Variants in GFUS observed in about 807,000 individuals in gnomAD.
GFUS encodes the protein 3-5 epimerase/4-reductase.
GFUS carries 42 observed loss-of-function variants against 41.5 expected under a neutral mutation model. The observed-to-expected ratio is 1.01, with a 90% CI of 0.79 to 1.31. The LOEUF (loss-of-function observed/expected upper bound fraction) is 1.31. Ranked by LOEUF, GFUS falls within the 50% of genes most tolerant of loss-of-function variation. GFUS has a pLI of 0.00. For missense variants in GFUS, 437 were observed against 428.7 expected (o/e 1.02, Z -0.17); for synonymous variants, 188 against 173.4 (o/e 1.08, Z -0.66).
chr8:143,613,174 G>A (rs760248244), intron 10 of GFUS, 22 bp downstream of exon 10: 50 of 1,610,618 alleles, frequency 3.1e-5, no homozygotes, highest in Non-Finnish European at 2.9e-5. Flanking sequence ...ACCAAGTGGA[G>A]GGCTGTGGGG....
At chr8:143,613,008 G>T in intron 10 of GFUS, 43 bp from the exon 11 acceptor site, 1 of 1,596,910 alleles carries the variant, frequency 6.3e-7, no homozygotes. Flanking sequence ...GGGAGGGTCG[G>T]GGCCGCATGG....
At position 143,616,171 on chromosome 8, in the gene GFUS, C is replaced by T. The variant is rs749145675; in HGVS notation, c.196G>A (p.Val66Ile). The change falls in exon 3 of 11, where the codon GTC (valine) becomes ATC (isoleucine). Residue 66 changes from valine to isoleucine, a missense_variant. Physicochemically the swap from Val to Ile is conservative, Grantham distance 29. Coordinates refer to ENST00000425753, the MANE Select transcript of GFUS (RefSeq NM_003313.4). ...CCCACCATTGCAGCAAGATGGATGA[C>T]GTGTGTGGGTTGGACCTTCTCAAAC... ...ALFEKVQPTH[V>I]IHLAAMVGGL... is the part of the protein sequence containing the mutation. 14 of 1,613,578 alleles carry T rather than the reference C, an allele frequency of 8.7e-6. No individual in the cohort carries two copies. The East Asian group carries it at 1.3e-4, about 15-fold the overall frequency.
intron 3 of GFUS, among the ~76,000 whole-genome samples, chr8:143,615,368 G>T (rs1488023476): frequency 6.6e-6 from 1 of 152,168 alleles, no homozygotes; most frequent in East Asian, 1.9e-4. Context: ...CACCCCGCGG[G>T]CCCCACTTCC....
chr8:143,615,397 G>C (rs1426083175), intron 3 of GFUS, among the ~76,000 whole-genome samples: 1 of 152,172 alleles, frequency 6.6e-6, no homozygotes, highest in Non-Finnish European at 1.5e-5. Flanking sequence ...AACTAGACAC[G>C]GCATGGCTGG....
Position 143,614,637 on chromosome 8 carries a change from C to G in GFUS, c.451G>C (p.Asp151His), listed in dbSNP as rs780777231. 1.3e-6 allele frequency: 2 copies of G among 1,597,840 alleles called. No individual in the cohort carries two copies. Among genetic ancestry groups the G allele is most frequent in the African/African-American group, 1.3e-5 (1 of 74,834 alleles). The change falls in exon 5 of 11, where the codon GAC (aspartate) becomes CAC (histidine). Residue 151 changes from aspartate to histidine, a missense_variant. Transcript: ENST00000425753. ...GGGCGCGAGGACCTGTTCTGCACGTCGATCATCCTCTTGGCATACGAGTAC... is the reference window on the plus strand; with the variant it reads ...GGGCGCGAGGACCTGTTCTGCACGTGGATCATCCTCTTGGCATACGAGTAC... The part of the protein sequence containing the change: ...FGYSYAKRMI[D>H]VQNRAYFQQY...
chr8:143,614,575 G>C (rs994738340), intron 5 of GFUS, 49 bp downstream of exon 5: 3 of 1,559,556 alleles, frequency 1.9e-6, no homozygotes, highest in Non-Finnish European at 2.6e-6. Flanking sequence ...GCCCCTGGGG[G>C]CCCTCTCCCC....
chr8:143,614,036 A>T, intron 7 of GFUS, 128 bp downstream of exon 7: 1 of 1,348,198 alleles, frequency 7.4e-7, no homozygotes, highest in African/African-American at 1.4e-5. Flanking sequence ...CTCCTCTTGG[A>T]GCTCAGCCCA....
In GFUS at chr8:143,614,308, G is replaced by C; in HGVS notation, c.598+12C>G. 6.2e-7 allele frequency: 1 copy of C among 1,613,526 alleles called. No individual in the cohort carries two copies. Among genetic ancestry groups the C allele is most frequent in the Non-Finnish European group, 8.5e-7 (1 of 1,179,792 alleles). On this transcript the variant is annotated intron_variant, in intron 6 of 10. Transcript: ENST00000425753. ...GCTGAGCCCGGGCACCCCATCGGAC[G>C]GACGCACTCACTCTTGGCCAGGTGC...
Position 143,614,344 on chromosome 8 carries a change from T to A in GFUS, c.574A>T (p.Ile192Phe). ...CTCTTGGCCAGGTGCACCTTGTGGA[T>A]GAGGCCAGGCAGCACGTGGCCATCC... The part of the protein sequence containing the change: ...IEDGHVLPGL[I>F]HKVHLAKSSG... Residue 192 changes from isoleucine (I) to phenylalanine (F), a missense_variant, in exon 6 of 11, where the codon ATC becomes TTC. Coordinates refer to ENST00000425753, the MANE Select transcript of GFUS (RefSeq NM_003313.4). The A allele has an allele frequency of 6.2e-7, 1 of 1,613,720 alleles. No individual in the cohort carries two copies. The highest frequency in any genetic ancestry group is 8.5e-7 in the Non-Finnish European group (1 of 1,179,862).
intron 2 of GFUS, 34 bp from the exon 3 acceptor site, chr8:143,616,254 G>A (rs368108029): frequency 4.4e-6 from 7 of 1,599,824 alleles, no homozygotes; most frequent in African/African-American, 1.3e-5. Context: ...AGGCTCTGGA[G>A]GGAACCAGCA....
rs919084063 is a variant in GFUS, at chr8:143,613,580, T to C, written c.754A>G (p.Ile252Val). 4 of 1,611,860 alleles carry C rather than the reference T, an allele frequency of 2.5e-6. No homozygotes were observed. Among genetic ancestry groups the C allele is most frequent in the African/African-American group, 2.7e-5 (2 of 74,938 alleles). The change falls in exon 9 of 11, where the codon ATC becomes GTC. Residue 252 changes from isoleucine (I) to valine (V), a missense_variant. Physicochemically the swap from Ile to Val is conservative, Grantham distance 29. Coordinates refer to ENST00000425753, the MANE Select transcript of GFUS (RefSeq NM_003313.4). ...LSVGEEDEVS[I>V]KEAAEAVVEA... The stretch of plus-strand genomic sequence containing the variant: ...ACCACCGCCTCGGCTGCCTCCTTGA[T>C]GGAGACCTCATCTTCCTCGCCCACT...
chr8:143,616,021 GCCT>G, intron 3 of GFUS, 82 bp downstream of exon 3: 1 of 1,156,614 alleles, frequency 8.6e-7, no homozygotes. Flanking sequence ...GGGAATGTGG[GCCT>G]GTGAGAGTGG....
At position 143,614,626 on chromosome 8, in the gene GFUS, G is replaced by A. The variant is rs1829675031; in HGVS notation, c.462C>T (p.Asn154=). The A allele has an allele frequency of 6.3e-7, 1 of 1,593,560 alleles. No individual in the cohort carries two copies. Among genetic ancestry groups the A allele is most frequent in the African/African-American group, 1.3e-5 (1 of 74,814 alleles). The change falls in exon 5 of 11, where the codon AAC becomes AAT. Residue 154 remains asparagine (N), a splice_region_variant and synonymous_variant. Transcript: ENST00000425753. ...SYAKRMIDVQ[N]RAYFQQYGCT... is the part of the protein sequence containing the mutation. The stretch of plus-strand genomic sequence containing the variant: ...CTCAGCAGGATGGGCGCGAGGACCT[G>A]TTCTGCACGTCGATCATCCTCTTGG...
chr8:143,616,448 G>A (rs537984415), intron 2 of GFUS, 119 bp downstream of exon 2: 2 of 1,511,312 alleles, frequency 1.3e-6, no homozygotes, highest in Admixed American at 3.5e-5. Context: ...CACCTGGCAG[G>A]AAGGACCCAG....
rs755603216 is a variant in GFUS, at chr8:143,616,566, C to T, written c.146+1G>A. 3.0e-5 allele frequency: 49 copies of T among 1,613,686 alleles called. No homozygotes were observed. The highest frequency in any genetic ancestry group is 3.7e-5 in the Non-Finnish European group (44 of 1,179,970). On this transcript the variant is annotated splice_donor_variant, in intron 2 of 10. Transcript: ENST00000425753. LOFTEE classifies it high-confidence loss of function. ...GCTGATCTGGGGATGGGCTCACTCACGTGAGATCGGCGTCTTTAGAGGAGA... is the reference window on the plus strand; with the variant it reads ...GCTGATCTGGGGATGGGCTCACTCATGTGAGATCGGCGTCTTTAGAGGAGA...
chr8:143,613,839 T>A, intron 7 of GFUS, 22 bp from the exon 8 acceptor site: 1 of 1,550,304 alleles, frequency 6.5e-7, no homozygotes, highest in Non-Finnish European at 8.7e-7. Flanking sequence ...ACAGGCAGGG[T>A]CAGAGACCAT....
chr8:143,613,679 A>G, intron 8 of GFUS, 72 bp downstream of exon 8: 4 of 1,577,818 alleles, frequency 2.5e-6, no homozygotes, highest in Admixed American at 3.6e-5. Flanking sequence ...CCCACCCCTC[A>G]GCCAGCCTCC....
At chr8:143,615,094 G>T (rs1829691672) in intron 3 of GFUS, among the ~76,000 whole-genome samples, 179 bp from the exon 4 acceptor site, 1 of 152,252 alleles carries the variant, frequency 6.6e-6, no homozygotes, top group East Asian at 1.9e-4. Flanking sequence ...TTGCTCTCCA[G>T]CCCCACCAAG....
chr8:143,614,036 A>C, intron 7 of GFUS, 128 bp downstream of exon 7: 2 of 1,348,200 alleles, frequency 1.5e-6, no homozygotes, highest in Non-Finnish European at 2.0e-6. Context: ...CTCCTCTTGG[A>C]GCTCAGCCCA....
Sources: allele counts gnomAD v4.1 joint callset (sites outside exome capture counted in the v4.1 genomes callset), GRCh38; gene constraint gnomAD v4.1.1; transcripts MANE v1.5; gene names NCBI Gene and HGNC (gene_info 2026-07-23, HGNC 2026-07-21).